The following DNAH7 variants were observed in gnomAD, a reference collection of about 807,000 sequenced individuals.
DNAH7 encodes the protein dynein axonemal heavy chain 7.
Under a neutral mutation model 444.6 loss-of-function variants are expected in DNAH7, and 397 were observed. The ratio of observed to expected loss-of-function variants is 0.89; its 90% CI spans 0.82 to 0.97. The LOEUF is 0.97. DNAH7 is among the 50% of genes least tolerant of loss of function. DNAH7 has a pLI of 0.00. For missense variants in DNAH7, 4,902 were observed against 4,800.8 expected (o/e 1.02, Z -0.62); for synonymous variants, 1,636 against 1,624.4 (o/e 1.01, Z -0.17).
In DNAH7 at chr2:195,970,148, C is replaced by T. The variant is rs564433990; in HGVS notation, c.2059-54G>A. ...CTTAAAAGTTAAAACCCCTTGCTGTCAAAAAATTTTAACATTGTAGGAGTT... is the reference window on the plus strand; with the variant it reads ...CTTAAAAGTTAAAACCCCTTGCTGTTAAAAAATTTTAACATTGTAGGAGTT... On this transcript the variant is annotated intron_variant, in intron 16 of 64. Transcript: ENST00000312428. The T allele has an allele frequency of 1.8e-5, 27 of 1,512,300 alleles. No individual in the cohort carries two copies. In the Middle Eastern group the frequency reaches 6.2e-4, roughly 35 times the overall value. The allele number at this position is 1,512,300 out of a possible 1,614,324, so 93.7% of individuals were successfully genotyped here.
chr2:196,001,783 G>T lies in DNAH7; in HGVS notation c.1065C>A (p.Ala355=). The T allele has an allele frequency of 6.2e-7, 1 of 1,613,090 alleles. No homozygotes were observed. Among genetic ancestry groups the T allele is most frequent in the Non-Finnish European group, 8.5e-7 (1 of 1,179,532 alleles). ...KKQLPTGDSS[A]KLESFFNCAA... Reference sequence around the variant, plus strand: ...CACAGTTGAAAAAAGATTCCAATTTGGCACTGCTGTCACCAGTTGGCAATT... The same window carrying T: ...CACAGTTGAAAAAAGATTCCAATTTTGCACTGCTGTCACCAGTTGGCAATT... The change falls in exon 11 of 65, where the codon GCC becomes GCA. Residue 355 remains alanine, a synonymous_variant. Transcript: ENST00000312428.
intron 48 of DNAH7, among the ~76,000 whole-genome samples, chr2:195,828,046 A>G (rs993512053): frequency 6.6e-6 from 1 of 152,202 alleles, no homozygotes; most frequent in African/African-American, 2.4e-5. Context: ...AGTTTCATCC[A>G]TTCCTTATCT....
At chr2:195,853,773 T>G (rs1445927928) in intron 45 of DNAH7, among the ~76,000 whole-genome samples, 1 of 152,118 alleles carries the variant, frequency 6.6e-6, no homozygotes, top group East Asian at 1.9e-4. Context: ...ACAGCTGTAT[T>G]TAGGAAATGA....
chr2:195,903,179 T>G (rs947028040), intron 27 of DNAH7: 1 of 152,078 alleles, frequency 6.6e-6, no homozygotes, highest in Non-Finnish European at 1.5e-5. Flanking sequence ...AGGGGGGTGG[T>G]ACATAAGGAA....
At chr2:195,883,461 C>G (rs568315711) in intron 35 of DNAH7, among the ~76,000 whole-genome samples, 7 of 140,880 alleles carry the variant, frequency 5.0e-5, no homozygotes, top group Admixed American at 3.4e-4. Flanking sequence ...TCCCCCCCCC[C>G]AAAAAAAAAG....
At chr2:195,766,167 A>ATTT (rs755912873) in intron 61 of DNAH7, among the ~76,000 whole-genome samples, 1,743 of 57,288 alleles carry the variant, frequency 0.03, 315 homozygotes, top group African/African-American at 0.073. Context: ...GTGGGAGCTA[A>ATTT]TTTTTTTTTT....
At chr2:195,988,586 T>C (rs745622904) in intron 12 of DNAH7, among the ~76,000 whole-genome samples, 3 of 152,172 alleles carry the variant, frequency 2.0e-5, no homozygotes, top group Admixed American at 6.5e-5. Flanking sequence ...ATTTATGGAA[T>C]ACAATGTGAT....
chr2:195,784,601 T>G (rs1488719806), intron 58 of DNAH7, among the ~76,000 whole-genome samples: 1 of 152,196 alleles, frequency 6.6e-6, no homozygotes, highest in Non-Finnish European at 1.5e-5. Flanking sequence ...TCAACTGCAC[T>G]GGGAAAATAC....
At chr2:195,928,315 A>G (rs1688472206) in intron 21 of DNAH7, among the ~76,000 whole-genome samples, 1 of 152,182 alleles carries the variant, frequency 6.6e-6, no homozygotes, top group South Asian at 2.1e-4. Flanking sequence ...TAATGCTTTG[A>G]AATGGCAACC....
At chr2:195,824,516 T>A in intron 48 of DNAH7, 71 bp from the exon 49 acceptor site, 1 of 1,309,214 alleles carries the variant, frequency 7.6e-7, no homozygotes, top group Non-Finnish European at 1.0e-6. Context: ...TATTCAACCC[T>A]CCAAGTTCTT....
At chr2:195,887,276 T>C (rs771200096) in intron 33 of DNAH7, among the ~76,000 whole-genome samples, 72 of 152,100 alleles carry the variant, frequency 4.7e-4, no homozygotes, top group Non-Finnish European at 9.3e-4. Flanking sequence ...AAAAACCCCA[T>C]AAAGGCCCTG....
At chr2:195,790,222 A>G (rs1202459895) in intron 57 of DNAH7, among the ~76,000 whole-genome samples, 1 of 152,200 alleles carries the variant, frequency 6.6e-6, no homozygotes, top group Non-Finnish European at 1.5e-5. Flanking sequence ...GGACTGGAAG[A>G]ATCAATACTG....
chr2:195,997,339 C>T (rs1445305306), intron 12 of DNAH7, among the ~76,000 whole-genome samples: 1 of 152,070 alleles, frequency 6.6e-6, no homozygotes, highest in Non-Finnish European at 1.5e-5. Context: ...TGGTGAAACC[C>T]CGTCTCTACT....
At chr2:195,913,905 G>A (rs566950706) in intron 24 of DNAH7, among the ~76,000 whole-genome samples, 3 of 152,216 alleles carry the variant, frequency 2.0e-5, no homozygotes, top group East Asian at 1.9e-4. Context: ...TAGTAGAAAC[G>A]GGGTTTCACC....
At position 195,875,779 on chromosome 2, in the gene DNAH7, T is replaced by C. The variant is rs755211737; in HGVS notation, c.6182A>G (p.Glu2061Gly). Residue 2061 changes from glutamate to glycine, a missense_variant, in exon 38 of 65, where the codon GAG (glutamate) becomes GGG (glycine). Glu to Gly is a moderately conservative substitution (Grantham distance 98). Transcript: ENST00000312428. The stretch of plus-strand genomic sequence containing the variant: ...GTGGTCTAACCACTGTCTAAGTAAC[T>C]CAATGGGAGGTTGAGCCCCATATAC... ...REVYGAQPPIELLRQWLDHWN... is the reference protein window; with the variant it reads ...REVYGAQPPIGLLRQWLDHWN... The C allele has an allele frequency of 3.1e-6, 5 of 1,613,802 alleles. No individual in the cohort carries two copies. In the South Asian group the frequency reaches 5.5e-5, roughly 18 times the overall value.
intron 54 of DNAH7, among the ~76,000 whole-genome samples, chr2:195,803,889 C>T (rs945884185): frequency 6.6e-6 from 1 of 152,096 alleles, no homozygotes; most frequent in African/African-American, 2.4e-5. Flanking sequence ...TTTCTTTTGT[C>T]AATAAAACAC....
At chr2:195,943,583 C>G (rs956729306) in intron 19 of DNAH7, among the ~76,000 whole-genome samples, 1 of 152,128 alleles carries the variant, frequency 6.6e-6, no homozygotes, top group Non-Finnish European at 1.5e-5. Flanking sequence ...ATGTTAATTT[C>G]TGCTGTTGGC....
chr2:195,888,270 T>A lies in DNAH7; in HGVS notation c.5394A>T (p.Arg1798Ser), dbSNP rs1318505454. The A allele has an allele frequency of 1.9e-6, 3 of 1,609,126 alleles. No individual in the cohort carries two copies. Among genetic ancestry groups the A allele is most frequent in the Non-Finnish European group, 2.5e-6 (3 of 1,178,362 alleles). The change falls in exon 33 of 65, where the codon AGA becomes AGT. Residue 1798 changes from arginine (R) to serine (S), a missense_variant. Physicochemically the swap from Arg to Ser is moderately radical, Grantham distance 110. Transcript: ENST00000312428. ...RMVPVSVEFI[R>S]KHTKELSPTS... Reference sequence around the variant, plus strand: ...TCATTTCCCTTACCTTTGTATGCTTTCTAATAAATTCAACCGAAACAGGGA... The same window carrying A: ...TCATTTCCCTTACCTTTGTATGCTTACTAATAAATTCAACCGAAACAGGGA...
At chr2:195,914,664 CTTAT>C (rs1238531564) in intron 24 of DNAH7, among the ~76,000 whole-genome samples, 4 of 152,084 alleles carry the variant, frequency 2.6e-5, no homozygotes, top group South Asian at 2.1e-4. Flanking sequence ...ATTTTATTTA[CTTAT>C]TTATTTATTT....
Sources: gnomAD v4.1 joint callset for allele counts (sites outside exome capture counted in the v4.1 genomes callset) on GRCh38, gnomAD v4.1.1 for gene constraint, MANE v1.5 for transcripts, NCBI Gene and HGNC (gene_info 2026-07-23, HGNC 2026-07-21) for gene names.